Variants in ADRA1B observed in about 807,000 individuals in gnomAD.
The protein encoded by ADRA1B is adrenoceptor alpha 1B.
Under a neutral mutation model 17.9 loss-of-function variants are expected in ADRA1B, and 17 were observed. That is an observed-to-expected ratio of 0.95 (90% CI 0.65 to 1.42). The LOEUF is 1.42. Ranked by LOEUF, ADRA1B falls within the 40% of genes most tolerant of loss-of-function variation. The pLI is 0.00. For missense variants in ADRA1B, 681 were observed against 722.1 expected (o/e 0.94, Z 0.65); for synonymous variants, 366 against 327.6 (o/e 1.12, Z -1.27).
Position 159,963,146 on chromosome 5 carries a change from C to G in ADRA1B, c.950-8733C>G, listed in dbSNP as rs180870012. ...TTCATGGAGAACATTTTGGAAAACACCAAAAAGCACAGAGAAGGAAAATTC... is the reference window on the plus strand; with the variant it reads ...TTCATGGAGAACATTTTGGAAAACAGCAAAAAGCACAGAGAAGGAAAATTC... On this transcript the variant is annotated intron_variant, in intron 1 of 1. Transcript: ENST00000306675. Among the ~76,000 whole-genome samples, 51 of 150,478 alleles carry G rather than the reference C, an allele frequency of 3.4e-4. 1 individual carries two copies. Among genetic ancestry groups the G allele is most frequent in the Admixed American group, 3.3e-3 (50 of 15,136 alleles).
At chr5:159,939,312 TGTGTGTGTGTGC>T (rs1755052560) in intron 1 of ADRA1B, among the ~76,000 whole-genome samples, 2 of 133,642 alleles carry the variant, frequency 1.5e-5, no homozygotes, top group African/African-American at 3.1e-5. Flanking sequence ...TGTGTGTGTG[TGTGTGTGTGTGC>T]GCGCGCGCGC....
chr5:159,977,447 G>A (rs531055873), downstream of ADRA1B, among the ~76,000 whole-genome samples: 29 of 152,314 alleles, frequency 1.9e-4, no homozygotes, highest in African/African-American at 6.5e-4. Context: ...AGACCCCAGT[G>A]TCAGGCTCCA....
chr5:159,933,706 G>A (rs1354645812), intron 1 of ADRA1B, among the ~76,000 whole-genome samples: 3 of 152,218 alleles, frequency 2.0e-5, no homozygotes, highest in African/African-American at 4.8e-5. Context: ...AGAAAAAAAA[G>A]CAGTCAGCCA....
chr5:159,964,305 C>T (rs758490973), intron 1 of ADRA1B, among the ~76,000 whole-genome samples: 4 of 152,246 alleles, frequency 2.6e-5, no homozygotes, highest in Non-Finnish European at 4.4e-5. Context: ...TCTTCAGCAC[C>T]TCTCAACCAC....
At chr5:159,894,721 C>T (rs1754023559) in intron 1 of ADRA1B, among the ~76,000 whole-genome samples, 1 of 152,148 alleles carries the variant, frequency 6.6e-6, no homozygotes, top group Admixed American at 6.5e-5. Context: ...AGGGATAGAG[C>T]AACATCAGGG....
intron 1 of ADRA1B, among the ~76,000 whole-genome samples, chr5:159,933,363 G>T (rs546006745): frequency 2.0e-5 from 3 of 152,302 alleles, no homozygotes; most frequent in African/African-American, 4.8e-5. Context: ...GCAGACTCCC[G>T]GGAAAGGCCT....
chr5:159,876,178 ACT>A (rs1377189894), intron 1 of ADRA1B, among the ~76,000 whole-genome samples: 5 of 152,286 alleles, frequency 3.3e-5, no homozygotes, highest in East Asian at 3.9e-4. Context: ...ACAGAGCAAG[ACT>A]CTGTCTCAAA....
chr5:159,888,166 G>C (rs1489115971), intron 1 of ADRA1B: 1 of 151,832 alleles, frequency 6.6e-6, no homozygotes. Context: ...AAGAGCTATT[G>C]GAAACATTTT....
downstream of ADRA1B, among the ~76,000 whole-genome samples, chr5:159,973,905 C>G (rs1755932964): frequency 6.6e-6 from 1 of 152,204 alleles, no homozygotes; most frequent in Admixed American, 6.5e-5. Context: ...AAACATTTTT[C>G]TTCAGAGATG....
At position 159,891,769 on chromosome 5, in the gene ADRA1B, G is replaced by A. The variant is rs577369348; in HGVS notation, c.-255-24350G>A. Among the ~76,000 whole-genome samples the A allele has an allele frequency of 1.4e-4, 22 of 152,282 alleles. No homozygotes were observed. The South Asian group carries it at 4.4e-3, about 30-fold the overall frequency. On this transcript the variant is annotated intron_variant, in intron 1 of 2. Coordinates refer to the ADRA1B transcript ENST00000641205. ...CATGCAACAAGGGCAAAGTGGTAGC[G>A]GAGAAACCAGAATTGGGCACAAACT...
chr5:159,888,106 T>C (rs1753945072), intron 1 of ADRA1B: 2 of 152,208 alleles, frequency 1.3e-5, no homozygotes, highest in African/African-American at 4.8e-5. Context: ...TAGCTACTAA[T>C]AAAATCTGGA....
chr5:159,930,597 A>G (rs1754776976), intron 1 of ADRA1B, among the ~76,000 whole-genome samples: 1 of 151,716 alleles, frequency 6.6e-6, no homozygotes, highest in South Asian at 2.1e-4. Context: ...ACAAACAAAC[A>G]AAAAAAATAG....
chr5:159,917,689 G>C lies in ADRA1B; in HGVS notation c.784G>C (p.Glu262Gln). The change falls in exon 1 of 2, where the codon GAG becomes CAG. Residue 262 changes from glutamate to glutamine, a missense_variant. Glu to Gln is a conservative substitution (Grantham distance 29). Around this residue, in one of 3 missense-constraint regions of ADRA1B, gnomAD observed 424 missense variants for 480.2 expected, o/e 0.88. Coordinates refer to ENST00000306675, the MANE Select transcript of ADRA1B (RefSeq NM_000679.4). ...GAGGATCCATTCCAAGAACTTTCACGAGGACACCCTTAGCAGTACCAAGGC... is the reference window on the plus strand; with the variant it reads ...GAGGATCCATTCCAAGAACTTTCACCAGGACACCCTTAGCAGTACCAAGGC... Reference protein sequence around the residue: ...TLRIHSKNFHEDTLSSTKAKG... With the variant: ...TLRIHSKNFHQDTLSSTKAKG... 6.2e-7 allele frequency: 1 copy of C among 1,613,938 alleles called. No individual in the cohort carries two copies. The highest frequency in any genetic ancestry group is 8.5e-7 in the Non-Finnish European group (1 of 1,180,006).
intron 1 of ADRA1B, chr5:159,929,126 GAC>G (rs1020775912): frequency 1.3e-4 from 20 of 152,116 alleles, no homozygotes; most frequent in African/African-American, 3.1e-4. Flanking sequence ...TCAAATAAAA[GAC>G]ACAGGATTTC....
chr5:159,986,728 G>C, the ADRA1B span, among the ~76,000 whole-genome samples: 41 of 152,172 alleles, frequency 2.7e-4, no homozygotes, highest in Non-Finnish European at 5.9e-5. Flanking sequence ...TGCACAGATG[G>C]TCAGTGACTC....
intron 1 of ADRA1B, among the ~76,000 whole-genome samples, chr5:159,955,438 CG>C (rs1755534791): frequency 6.6e-6 from 1 of 152,162 alleles, no homozygotes; most frequent in Admixed American, 6.5e-5. Flanking sequence ...GGGAAATCAG[CG>C]AACAGCTGCT....
chr5:159,981,167 C>T, the ADRA1B span, among the ~76,000 whole-genome samples: 9 of 152,118 alleles, frequency 5.9e-5, no homozygotes, highest in African/African-American at 2.2e-4. Flanking sequence ...GATATAGATA[C>T]AGACATAGAT....
upstream of ADRA1B, among the ~76,000 whole-genome samples, chr5:159,912,098 G>C (rs72808191): frequency 0.062 from 9,415 of 152,230 alleles, 327 homozygotes; most frequent in East Asian, 0.14. Flanking sequence ...CCTAGTAAGT[G>C]CTAACTCCTA....
intron 1 of ADRA1B, among the ~76,000 whole-genome samples, chr5:159,891,067 C>A (rs527525378): frequency 6.6e-6 from 1 of 152,310 alleles, no homozygotes; most frequent in Admixed American, 6.5e-5. Flanking sequence ...CCTACCCCCC[C>A]TCTAAGATGG....
Sources: allele counts gnomAD v4.1 joint callset (sites outside exome capture counted in the v4.1 genomes callset), GRCh38; gene constraint gnomAD v4.1.1; regional missense constraint gnomAD v4.1.1; transcripts MANE v1.5; gene names NCBI Gene and HGNC (gene_info 2026-07-23, HGNC 2026-07-21).